The following ATF2 variants were observed in gnomAD, a reference collection of about 807,000 sequenced individuals.
ATF2 encodes the protein cyclic AMP-dependent transcription factor ATF-2.
A neutral mutation model predicts 60.6 loss-of-function variants in ATF2; 24 were observed. The observed-to-expected ratio is 0.40, with a 90% CI of 0.29 to 0.56. The LOEUF is 0.56. ATF2 is among the 20% of genes least tolerant of loss of function. The pLI, the probability that ATF2 is intolerant of heterozygous loss-of-function variation, is 0.54. For synonymous variants in ATF2, 206 were observed against 215.4 expected (o/e 0.96, Z 0.38); for missense variants, 433 against 607.7 (o/e 0.71, Z 3.02).
chr2:175,130,082 T>C (rs1437688187), intron 4 of ATF2, 56 bp downstream of exon 4: 5 of 1,226,298 alleles, frequency 4.1e-6, no homozygotes, highest in East Asian at 2.7e-5. Context: ...TATTATATCA[T>C]CAATGTTTTA....
chr2:175,167,657 G>A, intron 1 of ATF2: 1 of 505,196 alleles, frequency 2.0e-6, no homozygotes, highest in South Asian at 1.5e-5. Context: ...AGGTCTCCCT[G>A]CGCACACGGC....
chr2:175,109,993 G>GT (rs1158835399), intron 10 of ATF2, among the ~76,000 whole-genome samples: 1 of 152,194 alleles, frequency 6.6e-6, no homozygotes. Flanking sequence ...AAAACAGGGT[G>GT]TCCTGTGCAA....
intron 7 of ATF2, 54 bp from the exon 8 acceptor site, chr2:175,114,922 C>A: frequency 1.3e-6 from 2 of 1,556,006 alleles, no homozygotes; most frequent in Non-Finnish European, 1.8e-6. Context: ...AATCATGTAC[C>A]TTAGTGAACA....
chr2:175,077,698 A>G (rs1228535053), intron 13 of ATF2, among the ~76,000 whole-genome samples: 1 of 152,230 alleles, frequency 6.6e-6, no homozygotes, highest in African/African-American at 2.4e-5. Flanking sequence ...AGAATTAGGT[A>G]AAGCAAATCT....
intron 2 of ATF2, among the ~76,000 whole-genome samples, chr2:175,136,783 C>T (rs1014688542): frequency 6.6e-6 from 1 of 152,098 alleles, no homozygotes; most frequent in Non-Finnish European, 1.5e-5. Context: ...TAAAAAAATC[C>T]TTACTTTGAA....
At chr2:175,105,173 C>CG (rs1325314728) in intron 10 of ATF2, among the ~76,000 whole-genome samples, 11 of 152,036 alleles carry the variant, frequency 7.2e-5, no homozygotes, top group African/African-American at 1.2e-4. Context: ...CATAACTGTA[C>CG]ATGTAAATTG....
intron 1 of ATF2, among the ~76,000 whole-genome samples, chr2:175,163,142 A>G (rs1700126784): frequency 5.1e-5 from 1 of 19,800 alleles, no homozygotes; most frequent in African/African-American, 1.4e-4. Flanking sequence ...TCAAAAAATA[A>G]ATAAATAAAT....
chr2:175,143,006 T>C (rs1698697373), intron 2 of ATF2, among the ~76,000 whole-genome samples: 3 of 152,156 alleles, frequency 2.0e-5, no homozygotes, highest in African/African-American at 7.2e-5. Flanking sequence ...AATGCTACCA[T>C]GCCTGACTAA....
At position 175,136,435 on chromosome 2, in the gene ATF2, G is replaced by T. The variant is rs778817652; in HGVS notation, c.9C>A (p.Phe3Leu). The change falls in exon 3 of 14, where the codon TTC becomes TTA. Residue 3 changes from phenylalanine (F) to leucine (L), a missense_variant. By Grantham distance (22) the Phe-to-Leu change is conservative. Coordinates refer to ENST00000264110, the MANE Select transcript of ATF2 (RefSeq NM_001880.4). MK[F>L]KLHVNSARQY... is the part of the protein sequence containing the mutation. ...ACCTGGCAGAATTCACATGTAACTT[G>T]AATTTCATAAGTTGAATAACTTATC... 9 of 1,609,916 alleles carry T rather than the reference G, an allele frequency of 5.6e-6. No individual in the cohort carries two copies. The African/African-American group carries it at 1.1e-4, about 19-fold the overall frequency.
chr2:175,097,302 A>G (rs1694995536), intron 11 of ATF2, 142 bp downstream of exon 11: 3 of 1,158,296 alleles, frequency 2.6e-6, no homozygotes, highest in Non-Finnish European at 3.6e-6. Flanking sequence ...TTGTATACTG[A>G]GCTACCTTTT....
intron 2 of ATF2, among the ~76,000 whole-genome samples, chr2:175,148,439 T>C (rs919653324): frequency 1.3e-5 from 2 of 152,162 alleles, no homozygotes; most frequent in East Asian, 1.9e-4. Context: ...GAACCTCTGA[T>C]AGCTGAAGTG....
chr2:175,097,969 A>G (rs898946400), intron 10 of ATF2, among the ~76,000 whole-genome samples: 3 of 152,068 alleles, frequency 2.0e-5, no homozygotes, highest in African/African-American at 7.2e-5. Flanking sequence ...ATTGTACTGG[A>G]CTCACATTCA....
intron 4 of ATF2, among the ~76,000 whole-genome samples, chr2:175,124,282 G>GA (rs11292728): frequency 0.11 from 15,978 of 147,084 alleles, 1,143 homozygotes; most frequent in African/African-American, 0.21. Context: ...TGGAAAAAGT[G>GA]AAAAAAAAAA....
intron 1 of ATF2, among the ~76,000 whole-genome samples, chr2:175,158,234 A>ATT (rs34664149): frequency 0.086 from 11,412 of 132,630 alleles, 548 homozygotes; most frequent in Middle Eastern, 0.15. Context: ...TGAATTCAGG[A>ATT]TTTTTTTTTT....
At chr2:175,153,166 A>T (rs1464115084) in intron 1 of ATF2, among the ~76,000 whole-genome samples, 1 of 152,220 alleles carries the variant, frequency 6.6e-6, no homozygotes, top group Non-Finnish European at 1.5e-5. Flanking sequence ...AACACATGCA[A>T]TGTTAAGATA....
chr2:175,165,643 C>T (rs1381366245), intron 1 of ATF2, among the ~76,000 whole-genome samples: 3 of 152,186 alleles, frequency 2.0e-5, no homozygotes, highest in African/African-American at 7.2e-5. Context: ...CCCAACCCCA[C>T]TATTTGTTAA....
At chr2:175,159,867 G>C (rs1446113639) in intron 1 of ATF2, among the ~76,000 whole-genome samples, 1 of 152,130 alleles carries the variant, frequency 6.6e-6, no homozygotes, top group African/African-American at 2.4e-5. Context: ...CTTAGATTTG[G>C]TAACAGAATT....
At chr2:175,098,225 T>C (rs900053336) in intron 10 of ATF2, among the ~76,000 whole-genome samples, 1 of 152,242 alleles carries the variant, frequency 6.6e-6, no homozygotes, top group Non-Finnish European at 1.5e-5. Context: ...TGTTAACTGA[T>C]AGAAATTGGT....
At chr2:175,163,721 G>C (rs534964019) in intron 1 of ATF2, among the ~76,000 whole-genome samples, 1 of 151,046 alleles carries the variant, frequency 6.6e-6, no homozygotes, top group South Asian at 2.1e-4. Context: ...AGGCAGGTTC[G>C]AGACCAGCCT....
Sources: allele counts gnomAD v4.1 joint callset (sites outside exome capture counted in the v4.1 genomes callset), GRCh38; gene constraint gnomAD v4.1.1; transcripts MANE v1.5; gene names NCBI Gene and HGNC (gene_info 2026-07-23, HGNC 2026-07-21).